ST6GALNAC2: variants seen among roughly 807,000 people sequenced by gnomAD.
ST6GALNAC2 encodes alpha-N-acetylgalactosaminide alpha-2,6-sialyltransferase 2.
ST6GALNAC2 carries 42 observed loss-of-function variants against 38.7 expected under a neutral mutation model. The observed-to-expected ratio is 1.09, with a 90% CI of 0.85 to 1.40. The LOEUF is 1.40. ST6GALNAC2 is among the 40% of genes most tolerant of loss of function. The probability of loss-of-function intolerance (pLI) is 0.00; values close to 1 mark genes in which losing one functional copy is unlikely to be tolerated. For missense variants in ST6GALNAC2, 506 were observed against 481.7 expected, an observed-to-expected ratio of 1.05 and a Z score of -0.47; for synonymous variants, 233 against 209.0, an observed-to-expected ratio of 1.11 and a Z score of -0.99.
chr17:76,577,061 TTC>T (rs1354590652), intron 2 of ST6GALNAC2, among the ~76,000 whole-genome samples: 5 of 22,974 alleles, frequency 2.2e-4, no homozygotes, highest in Non-Finnish European at 1.7e-3. Flanking sequence ...ATTCTTTTTT[TTC>T]TTTTTTTTTT....
chr17:76,568,482 C>A, intron 7 of ST6GALNAC2: 1 of 585,032 alleles, frequency 1.7e-6, no homozygotes. Context: ...TTGAGTTATC[C>A]TGAGTTTCCT....
At chr17:76,578,313 G>A (rs1019646831) in intron 2 of ST6GALNAC2, among the ~76,000 whole-genome samples, 3 of 152,170 alleles carry the variant, frequency 2.0e-5, no homozygotes, top group African/African-American at 7.2e-5. Context: ...CAAAATTAAT[G>A]CTGTCTGTTA....
intron 1 of ST6GALNAC2, among the ~76,000 whole-genome samples, chr17:76,581,447 T>C (rs951625497): frequency 1.4e-5 from 2 of 144,184 alleles, no homozygotes; most frequent in African/African-American, 5.0e-5. Flanking sequence ...GTCCCTACCC[T>C]CCCACCCCAA....
chr17:76,585,638 C>T, intron 1 of ST6GALNAC2, 46 bp downstream of exon 1: 12 of 1,479,134 alleles, frequency 8.1e-6, no homozygotes, highest in Non-Finnish European at 1.1e-5. Context: ...CTCCCCGCGC[C>T]CTGGTCGCCC....
intron 6 of ST6GALNAC2, 116 bp from the exon 7 acceptor site, chr17:76,568,912 G>T: frequency 1.1e-6 from 1 of 932,908 alleles, no homozygotes; most frequent in African/African-American, 1.7e-5. Context: ...GTAGGAGCGG[G>T]GCTGGGAGTA....
Position 76,570,643 on chromosome 17 carries a change from G to A in ST6GALNAC2, c.695C>T (p.Ser232Leu). ...GQDLQYIFIPSDIRDYVMLRS... is the reference protein window; with the variant it reads ...GQDLQYIFIPLDIRDYVMLRS... ...CAGCATCACATAGTCGCGGATGTCT[G>A]AGGGGATGAAGATATACTGCAGGTC... Residue 232 changes from serine to leucine, a missense_variant, in exon 6 of 9, where the codon TCA becomes TTA. Transcript: ENST00000225276. 1 of 1,612,766 alleles carries A rather than the reference G, an allele frequency of 6.2e-7. No individual in the cohort carries two copies. The highest frequency in any genetic ancestry group is 1.1e-5 in the South Asian group (1 of 90,758).
In ST6GALNAC2 at chr17:76,573,606, C is replaced by T. The variant is rs1013801816; in HGVS notation, c.362-243G>A. 1.3e-5 allele frequency among the ~76,000 whole-genome samples: 2 copies of T among 152,130 alleles called. No homozygotes were observed. The highest frequency in any genetic ancestry group is 4.1e-4 in the South Asian group (2 of 4,830). ...ACTTGAATACCTTATCTTCTTAAGA[C>T]TGGTGCTAGAGAAGTGAGCTCAGGG... is the stretch of plus-strand genomic sequence containing the variant. On this transcript the variant is annotated intron_variant, in intron 3 of 8. Coordinates refer to ENST00000225276, the MANE Select transcript of ST6GALNAC2 (RefSeq NM_006456.3). The surrounding 1 kb of genome is among the most constrained non-coding windows in gnomAD (Gnocchi z 5.1).
In ST6GALNAC2 at chr17:76,573,159, T is replaced by TACCAAC; in HGVS notation, c.530+35_530+36insGTTGGT. 1.6e-5 allele frequency: 24 copies of TACCAAC among 1,530,302 alleles called. No homozygotes were observed. The highest frequency in any genetic ancestry group is 2.1e-5 in the Non-Finnish European group (23 of 1,120,812). 94.8% of individuals were successfully genotyped at this position (1,530,302 alleles called of 1,614,324 possible). A position where few individuals can be genotyped will look rare whatever the true frequency, so the allele number is the denominator to read the frequency against. On this transcript the variant is annotated intron_variant, in intron 4 of 8. Coordinates refer to ENST00000225276, the MANE Select transcript of ST6GALNAC2 (RefSeq NM_006456.3). This position sits in a 1 kb window ranked among gnomAD's most constrained non-coding sequence, Gnocchi z 5.1. ...GACACCCCCACCCTCCAGGCAACTC[T>TACCAAC]CCCTCCCGCCCCTCCCCAGCTCCTA...
chr17:76,582,563 T>C (rs2075493132), intron 1 of ST6GALNAC2, among the ~76,000 whole-genome samples: 1 of 152,132 alleles, frequency 6.6e-6, no homozygotes, highest in Non-Finnish European at 1.5e-5. Context: ...TGATTCTCAC[T>C]CTCCTATTAA....
rs760972335 is a variant in ST6GALNAC2, at chr17:76,585,733, G to C, written c.76C>G (p.Leu26Val). 2 of 1,544,078 alleles carry C rather than the reference G, an allele frequency of 1.3e-6. No individual in the cohort carries two copies. Among genetic ancestry groups the C allele is most frequent in the African/African-American group, 2.8e-5 (2 of 71,740 alleles). Residue 26 changes from leucine (L) to valine (V), a missense_variant, in exon 1 of 9, where the codon CTG becomes GTG. Leu to Val is a conservative substitution (Grantham distance 32). Coordinates refer to ENST00000225276, the MANE Select transcript of ST6GALNAC2 (RefSeq NM_006456.3). ...TACCGCTGCACCGCCGAGAAGTACAGGGCAAAGAGGAGCCCCGAGCAGGCA... is the reference window on the plus strand; with the variant it reads ...TACCGCTGCACCGCCGAGAAGTACACGGCAAAGAGGAGCCCCGAGCAGGCA... ...TAACSGLLFALYFSAVQRYPG... is the reference protein window; with the variant it reads ...TAACSGLLFAVYFSAVQRYPG...
chr17:76,573,503 GA>G lies in ST6GALNAC2; in HGVS notation c.362-141del. Reference sequence around the variant, plus strand: ...CCAAGAAGCACAGAGGGTGGGAGGGGAAGGAGATGTCTGTGGGGGGAGAATT... The same window carrying G: ...CCAAGAAGCACAGAGGGTGGGAGGGGAGGAGATGTCTGTGGGGGGAGAATT... On this transcript the variant is annotated intron_variant, in intron 3 of 8. Transcript: ENST00000225276. This position sits in a 1 kb window ranked among gnomAD's most constrained non-coding sequence, Gnocchi z 5.1. 1.3e-6 allele frequency: 1 copy of G among 797,636 alleles called. No homozygotes were observed. Among genetic ancestry groups the G allele is most frequent in the Non-Finnish European group, 1.8e-6 (1 of 544,692 alleles). The allele number at this position is 797,636 out of a possible 1,614,324, so 49.4% of individuals were successfully genotyped here. A position where few individuals can be genotyped will look rare whatever the true frequency, so the allele number is the denominator to read the frequency against.
chr17:76,577,976 T>C (rs1439657470), intron 2 of ST6GALNAC2, among the ~76,000 whole-genome samples: 1 of 152,130 alleles, frequency 6.6e-6, no homozygotes, highest in Admixed American at 6.6e-5. Context: ...GAAATCTTTC[T>C]CCTAGAGGCC....
chr17:76,566,977 T>C (rs965800259), intron 8 of ST6GALNAC2, among the ~76,000 whole-genome samples: 1 of 152,128 alleles, frequency 6.6e-6, no homozygotes, highest in East Asian at 1.9e-4. Flanking sequence ...GTGGGTCATA[T>C]CCCATCAGGA....
At chr17:76,576,337 C>T (rs759297915) in intron 2 of ST6GALNAC2, among the ~76,000 whole-genome samples, 10 of 152,114 alleles carry the variant, frequency 6.6e-5, no homozygotes, top group African/African-American at 9.7e-5. Context: ...GTCAGGAATG[C>T]GTAAAACCAA....
chr17:76,578,712 T>C, intron 2 of ST6GALNAC2, 44 bp downstream of exon 2: 1 of 1,576,128 alleles, frequency 6.3e-7, no homozygotes, highest in Non-Finnish European at 8.7e-7. Context: ...TCCCCACTAA[T>C]TTGAGGGTGC....
Position 76,573,136 on chromosome 17 carries a change from C to T in ST6GALNAC2, c.530+59G>A. ...CATAGCCCACTGCCCCTGGGGGAGA[C>T]ACCCCCACCCTCCAGGCAACTCTCC... is the stretch of plus-strand genomic sequence containing the variant. On this transcript the variant is annotated intron_variant, in intron 4 of 8. Transcript: ENST00000225276. This position sits in a 1 kb window ranked among gnomAD's most constrained non-coding sequence, Gnocchi z 5.1. The T allele has an allele frequency of 1.3e-6, 2 of 1,519,700 alleles. No homozygotes were observed. The allele number at this position is 1,519,700 out of a possible 1,614,324, so 94.1% of individuals were successfully genotyped here.
At chr17:76,566,434 A>G (rs1221900721) in intron 8 of ST6GALNAC2, among the ~76,000 whole-genome samples, 163 bp from the exon 9 acceptor site, 1 of 151,980 alleles carries the variant, frequency 6.6e-6, no homozygotes, top group Non-Finnish European at 1.5e-5. Context: ...TTCAGGGGTG[A>G]CTCACTGTGT....
intron 1 of ST6GALNAC2, 113 bp from the exon 2 acceptor site, chr17:76,578,929 C>T: frequency 1.2e-6 from 1 of 842,542 alleles, no homozygotes; most frequent in Admixed American, 2.9e-5. Context: ...TGTCTGTGCC[C>T]ATCGTGGTGG....
intron 6 of ST6GALNAC2, chr17:76,569,648 T>C (rs1223154009): frequency 2.5e-6 from 1 of 396,980 alleles, no homozygotes; most frequent in African/African-American, 2.1e-5. Flanking sequence ...GGGGAGCTCA[T>C]TGGTGTTGGG....
Sources: allele counts gnomAD v4.1 joint callset (sites outside exome capture counted in the v4.1 genomes callset), GRCh38; gene constraint gnomAD v4.1.1; non-coding constraint Gnocchi (gnomAD v3.1); transcripts MANE v1.5; gene names NCBI Gene and HGNC (gene_info 2026-07-23, HGNC 2026-07-21).